Variants in VPS13B observed in about 807,000 individuals in gnomAD.
VPS13B encodes the protein vacuolar protein sorting 13 homolog B.
VPS13B carries 285 observed loss-of-function variants against 426.4 expected under a neutral mutation model. That is an observed-to-expected ratio of 0.67 (90% CI 0.61 to 0.74). The LOEUF is 0.74. VPS13B is among the 30% of genes least tolerant of loss of function. The pLI is 0.00. For synonymous variants in VPS13B, 1,676 were observed against 1,676.4 expected, an observed-to-expected ratio of 1.00 and a Z score of 0.01; for missense variants, 4,537 against 4,782.6, an observed-to-expected ratio of 0.95 and a Z score of 1.51.
chr8:99,282,069 C>T (rs969875020), intron 19 of VPS13B, among the ~76,000 whole-genome samples: 1 of 152,158 alleles, frequency 6.6e-6, no homozygotes, highest in Non-Finnish European at 1.5e-5. Flanking sequence ...TTTCATACTT[C>T]ATTATTCACT....
intron 24 of VPS13B, among the ~76,000 whole-genome samples, chr8:99,476,892 G>GT (rs1819720992): frequency 6.6e-6 from 1 of 152,064 alleles, no homozygotes; most frequent in Admixed American, 6.5e-5. Context: ...TGGCCATTGA[G>GT]TTTGCTCATT....
intron 17 of VPS13B, among the ~76,000 whole-genome samples, chr8:99,243,147 GGATAA>G (rs1817020989): frequency 6.6e-6 from 1 of 152,060 alleles, no homozygotes; most frequent in South Asian, 2.1e-4. Flanking sequence ...TTGACCTGAG[GGATAA>G]GATGTTTCTG....
intron 33 of VPS13B, among the ~76,000 whole-genome samples, chr8:99,583,418 A>G (rs377491406): frequency 3.2e-4 from 48 of 152,318 alleles, no homozygotes; most frequent in Middle Eastern, 3.4e-3. Flanking sequence ...ATCTACTTGG[A>G]TATTTAAAGT....
At chr8:99,818,655 A>T in intron 46 of VPS13B, 58 bp from the exon 47 acceptor site, 1 of 1,607,972 alleles carries the variant, frequency 6.2e-7, no homozygotes, top group Non-Finnish European at 8.5e-7. Flanking sequence ...AGCATCAAAC[A>T]GCTGGAATAC....
chr8:99,373,505 A>G (rs2133267258), intron 19 of VPS13B, among the ~76,000 whole-genome samples: 1 of 152,300 alleles, frequency 6.6e-6, no homozygotes, highest in Non-Finnish European at 1.5e-5. Context: ...TTCCTGGTGG[A>G]TTCTGTGACA....
chr8:99,822,432 A>C (rs1465262839), intron 50 of VPS13B, among the ~76,000 whole-genome samples: 1 of 152,208 alleles, frequency 6.6e-6, no homozygotes, highest in Non-Finnish European at 1.5e-5. Context: ...CTGACGGCCA[A>C]AGTACTGTAA....
rs963146841 is a variant in VPS13B at position 99,116,003 on chromosome 8, TG to T, written c.937+131del. ...CTAATGAGATGGGCTGATTGTTTTT[TG>T]GTTGTTTTACACTATTTTAATTTTT... On this transcript the variant is annotated intron_variant, in intron 7 of 61. Coordinates refer to ENST00000357162, the MANE Select transcript of VPS13B (RefSeq NM_152564.5). 4.0e-6 allele frequency: 4 copies of T among 1,005,490 alleles called. No individual in the cohort carries two copies. In the African/African-American group the frequency reaches 6.6e-5, roughly 17 times the overall value. 62.3% of individuals were successfully genotyped at this position (1,005,490 alleles called of 1,614,324 possible).
At chr8:99,262,820 T>A (rs1404294254) in intron 17 of VPS13B, among the ~76,000 whole-genome samples, 1 of 150,874 alleles carries the variant, frequency 6.6e-6, no homozygotes, top group Non-Finnish European at 1.5e-5. Context: ...AGGGTCTGGC[T>A]TTGTTGCTCA....
intron 13 of VPS13B, among the ~76,000 whole-genome samples, chr8:99,143,477 G>T (rs1256339199): frequency 6.6e-6 from 1 of 151,686 alleles, no homozygotes; most frequent in Non-Finnish European, 1.5e-5. Context: ...TGGATTCTAA[G>T]GAGCCAGATA....
intron 39 of VPS13B, among the ~76,000 whole-genome samples, chr8:99,762,695 GA>G (rs1432743523): frequency 4.6e-5 from 7 of 152,184 alleles, no homozygotes; most frequent in African/African-American, 1.7e-4. Flanking sequence ...TTGAGCATGA[GA>G]GGGGTAAATA....
intron 23 of VPS13B, among the ~76,000 whole-genome samples, chr8:99,443,154 G>A (rs912836630): frequency 6.6e-6 from 1 of 151,910 alleles, no homozygotes; most frequent in Non-Finnish European, 1.5e-5. Context: ...TGTGTTTTCA[G>A]TTATGAATTC....
intron 40 of VPS13B, among the ~76,000 whole-genome samples, chr8:99,773,841 A>AT (rs1354210785): frequency 6.6e-6 from 1 of 152,176 alleles, no homozygotes; most frequent in Non-Finnish European, 1.5e-5. Flanking sequence ...TGAAATATAA[A>AT]TATTATAAGT....
intron 8 of VPS13B, among the ~76,000 whole-genome samples, chr8:99,128,385 CCAAAA>C (rs1809554231): frequency 8.2e-5 from 3 of 36,400 alleles, no homozygotes; most frequent in South Asian, 1.3e-3. Context: ...AGATACTGTC[CCAAAA>C]AAAAAAAAAA....
At position 99,720,948 on chromosome 8, in the gene VPS13B, A is replaced by G. The variant is rs1175046825; in HGVS notation, c.6951A>G (p.Pro2317=). ...DCPGMMLWRY[P]EPRVLTLVRI... ...CAGGGATGATGTTATGGAGATATCCAGAACCTAGAGTACTCACCCTTGTAC... is the reference window on the plus strand; with the variant it reads ...CAGGGATGATGTTATGGAGATATCCGGAACCTAGAGTACTCACCCTTGTAC... Residue 2317 remains proline (P), a synonymous_variant, in exon 39 of 62, where the codon CCA becomes CCG. Transcript: ENST00000357162. 3 of 1,614,078 alleles carry G rather than the reference A, an allele frequency of 1.9e-6. No individual in the cohort carries two copies. The highest frequency in any genetic ancestry group is 2.5e-6 in the Non-Finnish European group (3 of 1,179,944).
In VPS13B at chr8:99,275,103, G is replaced by T. The variant is rs770484465; in HGVS notation, c.2673G>T (p.Leu891Phe). Residue 891 changes from leucine to phenylalanine, a missense_variant, in exon 19 of 62, where the codon TTG becomes TTT. Coordinates refer to ENST00000357162, the MANE Select transcript of VPS13B (RefSeq NM_152564.5). ...KAPVDSGKEK[L>F]IPLLQGPSDT... is the part of the protein sequence containing the mutation. Reference sequence around the variant, plus strand: ...CAGTTGATAGTGGAAAAGAGAAGTTGATTCCCTTGCTTCAGGGTCCTTCTG... The same window carrying T: ...CAGTTGATAGTGGAAAAGAGAAGTTTATTCCCTTGCTTCAGGGTCCTTCTG... 6.9e-6 allele frequency: 11 copies of T among 1,605,570 alleles called. No individual in the cohort carries two copies. The East Asian group carries it at 1.6e-4, about 23-fold the overall frequency.
intron 21 of VPS13B, among the ~76,000 whole-genome samples, chr8:99,419,864 A>G (rs978408847): frequency 5.3e-5 from 8 of 152,200 alleles, no homozygotes; most frequent in Non-Finnish European, 1.0e-4. Context: ...AAGGCATTAT[A>G]CTACTGCTAC....
chr8:99,154,642 C>CT (rs1811258115), intron 14 of VPS13B, among the ~76,000 whole-genome samples: 1 of 152,166 alleles, frequency 6.6e-6, no homozygotes, highest in Admixed American at 6.5e-5. Flanking sequence ...TGCTGTGTAT[C>CT]TACAATTAGA....
Position 99,106,977 on chromosome 8 carries a change from A to G in VPS13B, c.580+3857A>G, listed in dbSNP as rs570261314. Among the ~76,000 whole-genome samples, 72 of 152,324 alleles carry G rather than the reference A, an allele frequency of 4.7e-4. 1 individual carries two copies. The Middle Eastern group carries it at 0.01, about 22-fold the overall frequency. ...AGTTTTGGCTATAATGAATAATGCT[A>G]TAGCGAACATTTTCATACATGTCCT... On this transcript the variant is annotated intron_variant, in intron 5 of 61. Transcript: ENST00000357162.
chr8:99,543,687 A>G (rs1336340558), intron 30 of VPS13B, among the ~76,000 whole-genome samples: 1 of 149,824 alleles, frequency 6.7e-6, no homozygotes, highest in Non-Finnish European at 1.5e-5. Context: ...GAAGACATTT[A>G]TGCAGCCAAA....
Sources: gnomAD v4.1 joint callset for allele counts (sites outside exome capture counted in the v4.1 genomes callset) on GRCh38, gnomAD v4.1.1 for gene constraint, MANE v1.5 for transcripts, NCBI Gene and HGNC (gene_info 2026-07-23, HGNC 2026-07-21) for gene names.